Variants in HTT observed in about 807,000 individuals in gnomAD.
HTT encodes huntington disease protein.
HTT carries 104 observed loss-of-function variants against 362.3 expected under a neutral mutation model. The ratio of observed to expected loss-of-function variants is 0.29; its 90% CI spans 0.24 to 0.34. The LOEUF is 0.34. HTT is among the 10% of genes least tolerant of loss of function. HTT has a pLI of 1.00. For missense variants in HTT, 3,301 were observed against 3,928.6 expected, an observed-to-expected ratio of 0.84 and a Z score of 4.27; for synonymous variants, 1,577 against 1,548.7, an observed-to-expected ratio of 1.02 and a Z score of -0.43.
chr4:3,233,515 G>A lies in HTT; in HGVS notation c.8456+162G>A, dbSNP rs893950446. 2.1e-4 allele frequency among the ~76,000 whole-genome samples: 32 copies of A among 152,318 alleles called. 1 individual carries two copies. Among genetic ancestry groups the A allele is most frequent in the African/African-American group, 7.2e-4 (30 of 41,566 alleles). ...TGGCTGAGGTCAGTGAGACGCAAGA[G>A]CACAGGTGCGTCCTAGAGGCTTCCT... On this transcript the variant is annotated intron_variant, in intron 61 of 66. Coordinates refer to ENST00000355072, the MANE Select transcript of HTT (RefSeq NM_001388492.1).
At chr4:3,184,904 G>A (rs966159172) in intron 37 of HTT, among the ~76,000 whole-genome samples, 2 of 152,160 alleles carry the variant, frequency 1.3e-5, no homozygotes, top group African/African-American at 4.8e-5. Flanking sequence ...CTGGGGCAGG[G>A]GGAGTAGGCA....
rs1252203558 is a variant in HTT at position 3,116,213 on chromosome 4, G to A, written c.1018G>A (p.Val340Met). The part of the protein sequence containing the change: ...KDTSLKGSFG[V>M]TRKEMEVSPS... ...CACAAGCCTGAAAGGCAGCTTCGGA[G>A]TGACAAGGAAAGAAATGGAAGTCTC... Residue 340 changes from valine to methionine, a missense_variant, in exon 8 of 67, where the codon GTG becomes ATG. Physicochemically the swap from Val to Met is conservative, Grantham distance 21. Around this residue, in one of 4 missense-constraint regions of HTT, gnomAD observed 2,316 missense variants for 2,658.5 expected, o/e 0.87. Transcript: ENST00000355072. The A allele has an allele frequency of 1.2e-6, 2 of 1,613,960 alleles. No homozygotes were observed.
At chr4:3,204,765 C>T (rs892087271) in intron 42 of HTT, among the ~76,000 whole-genome samples, 6 of 152,076 alleles carry the variant, frequency 3.9e-5, no homozygotes, top group Non-Finnish European at 2.9e-5. Context: ...CCTGGGAGTT[C>T]GAGACCAGCC....
At chr4:3,203,929 C>A in intron 41 of HTT, 78 bp from the exon 42 acceptor site, 2 of 1,391,640 alleles carry the variant, frequency 1.4e-6, no homozygotes, top group Non-Finnish European at 2.0e-6. Context: ...TAGAATTAAA[C>A]ATAATCATCT....
chr4:3,167,065 A>G (rs1481076418), intron 29 of HTT, among the ~76,000 whole-genome samples: 1 of 152,164 alleles, frequency 6.6e-6, no homozygotes, highest in Non-Finnish European at 1.5e-5. Flanking sequence ...CTATTCGGCC[A>G]TTTTGGAAGC....
At chr4:3,140,427 A>G in intron 21 of HTT, 83 bp from the exon 22 acceptor site, 1 of 1,219,158 alleles carries the variant, frequency 8.2e-7, no homozygotes, top group East Asian at 2.3e-5. Flanking sequence ...GTGTTGGCTT[A>G]GCCATCTGCA....
chr4:3,113,424 G>A (rs1714862602), intron 6 of HTT, among the ~76,000 whole-genome samples: 1 of 152,028 alleles, frequency 6.6e-6, no homozygotes, highest in Non-Finnish European at 1.5e-5. Flanking sequence ...CCACCTCCCA[G>A]GTTCAAGTGA....
intron 50 of HTT, 115 bp from the exon 51 acceptor site, chr4:3,214,995 G>A (rs1488157221): frequency 1.3e-6 from 1 of 771,682 alleles, no homozygotes; most frequent in African/African-American, 1.7e-5. Flanking sequence ...AGGAATCTAG[G>A]CTAGTCTGTC....
Position 3,148,009 on chromosome 4 carries a change from T to G in HTT, c.3300T>G (p.Ser1100Arg). 1 of 1,611,626 alleles carries G rather than the reference T, an allele frequency of 6.2e-7. No homozygotes were observed. The highest frequency in any genetic ancestry group is 8.5e-7 in the Non-Finnish European group (1 of 1,178,894). ...LILAGNLLAA[S>R]APKSLRSSWA... ...ATGTCTGTGCCCATATCACAGCCAG[T>G]GCTCCCAAATCTCTGAGAAGTTCAT... Residue 1100 changes from serine to arginine, a missense_variant, in exon 26 of 67, where the codon AGT becomes AGG. By Grantham distance (110) the Ser-to-Arg change is moderately radical (BLOSUM62 -1). Around this residue, in one of 4 missense-constraint regions of HTT, gnomAD observed 2,316 missense variants for 2,658.5 expected, o/e 0.87. Transcript: ENST00000355072.
chr4:3,175,177 G>A, intron 33 of HTT, 70 bp downstream of exon 33: 8 of 1,374,108 alleles, frequency 5.8e-6, no homozygotes, highest in Non-Finnish European at 7.0e-6. Context: ...AAAAGACACT[G>A]AAATCTACTT....
chr4:3,213,653 G>T (rs1413824946), intron 49 of HTT, among the ~76,000 whole-genome samples: 1 of 152,206 alleles, frequency 6.6e-6, no homozygotes, highest in Non-Finnish European at 1.5e-5. Context: ...GAGCCCCAAG[G>T]AAGAGCCTCT....
At chr4:3,204,271 C>T (rs992583174) in intron 42 of HTT, 123 bp downstream of exon 42, 27 of 864,140 alleles carry the variant, frequency 3.1e-5, no homozygotes, top group South Asian at 3.5e-5. Context: ...CAAGCTCCAT[C>T]GAAACTAAAT....
intron 1 of HTT, among the ~76,000 whole-genome samples, chr4:3,080,624 T>TA (rs1424900071): frequency 2.6e-5 from 4 of 152,264 alleles, no homozygotes. Flanking sequence ...AGTTTATCTA[T>TA]TTTGTCTTTG....
intron 53 of HTT, among the ~76,000 whole-genome samples, chr4:3,221,547 C>T (rs990879327): frequency 2.0e-5 from 3 of 152,182 alleles, no homozygotes; most frequent in African/African-American, 4.8e-5. Flanking sequence ...CAGTCCTGCA[C>T]GCTCTCCTTC....
chr4:3,144,688 G>A (rs1716516202), intron 23 of HTT, among the ~76,000 whole-genome samples: 1 of 152,246 alleles, frequency 6.6e-6, no homozygotes, highest in Non-Finnish European at 1.5e-5. Context: ...TGGGCTGTCT[G>A]CAGTATGGTC....
chr4:3,222,463 G>A lies in HTT; in HGVS notation c.7446G>A (p.Met2482Ile). The part of the protein sequence containing the change: ...LGVLVTQPLV[M>I]EQEESPPEED... ...TCCTGGTGACGCAGCCCCTCGTGAT[G>A]GAGCAGGAGGAGAGCCCACCAGAAG... Residue 2482 changes from methionine to isoleucine, a missense_variant, in exon 54 of 67, where the codon ATG becomes ATA. Physicochemically the swap from Met to Ile is conservative, Grantham distance 10. Coordinates refer to ENST00000355072, the MANE Select transcript of HTT (RefSeq NM_001388492.1). 1 of 1,614,074 alleles carries A rather than the reference G, an allele frequency of 6.2e-7. No homozygotes were observed. Among genetic ancestry groups the A allele is most frequent in the Non-Finnish European group, 8.5e-7 (1 of 1,180,000 alleles).
At chr4:3,076,686 A>G (rs1049314358) in intron 1 of HTT, among the ~76,000 whole-genome samples, 2 of 152,164 alleles carry the variant, frequency 1.3e-5, no homozygotes, top group African/African-American at 4.8e-5. Context: ...TCCTGATGGG[A>G]AGGAAGACCT....
intron 53 of HTT, among the ~76,000 whole-genome samples, chr4:3,221,429 G>A (rs1246595486): frequency 6.6e-6 from 1 of 152,158 alleles, no homozygotes; most frequent in African/African-American, 2.4e-5. Context: ...TCGGACGTGC[G>A]TGACCCAAGA....
intron 4 of HTT, among the ~76,000 whole-genome samples, chr4:3,104,502 G>A (rs1714326968): frequency 6.6e-6 from 1 of 151,928 alleles, no homozygotes; most frequent in African/African-American, 2.4e-5. Flanking sequence ...CTGGCTACTC[G>A]GGAGGCTGAG....
Sources: allele counts gnomAD v4.1 joint callset (sites outside exome capture counted in the v4.1 genomes callset), GRCh38; gene constraint gnomAD v4.1.1; regional missense constraint gnomAD v4.1.1; transcripts MANE v1.5; gene names NCBI Gene and HGNC (gene_info 2026-07-23, HGNC 2026-07-21).